GSE1: variants seen among roughly 807,000 people sequenced by gnomAD.
The protein encoded by GSE1 is Gse1 coiled-coil protein.
GSE1 carries 32 observed loss-of-function variants against 112.6 expected under a neutral mutation model. The ratio of observed to expected loss-of-function variants is 0.28; its 90% CI spans 0.21 to 0.38. The LOEUF is 0.38. GSE1 is among the 10% of genes least tolerant of loss of function. GSE1 has a pLI of 1.00. For synonymous variants in GSE1, 1,115 were observed against 735.6 expected (o/e 1.52, Z -8.35); for missense variants, 2,348 against 1,699.2 (o/e 1.38, Z -6.71).
intron 1 of GSE1, among the ~76,000 whole-genome samples, chr16:85,562,996 C>G (rs2045590401): frequency 6.6e-6 from 1 of 152,182 alleles, no homozygotes; most frequent in South Asian, 2.1e-4. Flanking sequence ...TGATGGGATC[C>G]CCTCTTAGGG....
intron 2 of GSE1, among the ~76,000 whole-genome samples, chr16:85,467,873 C>T (rs957459551): frequency 9.2e-5 from 14 of 152,192 alleles, no homozygotes; most frequent in African/African-American, 3.1e-4. Flanking sequence ...GTGCTTACAG[C>T]ATAGGGAGAA....
At chr16:85,605,590 C>T (rs2047669721) in intron 1 of GSE1, among the ~76,000 whole-genome samples, 1 of 151,964 alleles carries the variant, frequency 6.6e-6, no homozygotes, top group African/African-American at 2.4e-5. Flanking sequence ...GCTAAGGAAA[C>T]GGGTGTGCAG....
chr16:85,632,859 G>A (rs774615451), intron 1 of GSE1, among the ~76,000 whole-genome samples: 16 of 152,226 alleles, frequency 1.1e-4, no homozygotes, highest in Non-Finnish European at 2.4e-4. Context: ...TCTCTGCGGG[G>A]GAGGGATGTT....
At chr16:85,613,307 C>T (rs377753359), upstream of GSE1, 8 of 1,545,946 alleles carry the variant, frequency 5.2e-6, no homozygotes, top group South Asian at 1.2e-5. Flanking sequence ...CCGAGCAGCC[C>T]CGGGTGAGAT....
rs141529588 is a variant in GSE1, at chr16:85,214,157, C to G, written c.2283+42350C>G. Among the ~76,000 whole-genome samples, 247 of 152,340 alleles carry G rather than the reference C, an allele frequency of 1.6e-3. 3 individuals are homozygous for G. Among genetic ancestry groups the G allele is most frequent in the African/African-American group, 5.7e-3 (239 of 41,582 alleles). On this transcript the variant is annotated intron_variant, in intron 1 of 2. Transcript: ENST00000637419. ...TTCCGAGACTGGCGTGCCCGCCGGCCTCTCCCTCTGTGGGCGGCCTCCGCT... is the reference window on the plus strand; with the variant it reads ...TTCCGAGACTGGCGTGCCCGCCGGCGTCTCCCTCTGTGGGCGGCCTCCGCT...
At chr16:85,185,051 T>A (rs1294658205) in intron 1 of GSE1, 1 of 152,282 alleles carries the variant, frequency 6.6e-6, no homozygotes, top group African/African-American at 2.4e-5. Context: ...ATTTGTCTTT[T>A]TGTCCCTTTA....
Position 85,241,320 on chromosome 16 carries a change from T to G in GSE1, c.2283+69513T>G, listed in dbSNP as rs199893228. Among the ~76,000 whole-genome samples the G allele has an allele frequency of 5.9e-5, 9 of 152,222 alleles. No individual in the cohort carries two copies. In the East Asian group the frequency reaches 1.7e-3, roughly 29 times the overall value. ...GTGCTGGGGCACCCAGCATAGGCCC[T>G]GGCACCTGGCAGTTGCCCCCTGAGG... On this transcript the variant is annotated intron_variant, in intron 1 of 2. Transcript: ENST00000637419.
intron 1 of GSE1, among the ~76,000 whole-genome samples, chr16:85,259,516 G>A (rs1014226297): frequency 2.0e-5 from 3 of 152,264 alleles, no homozygotes; most frequent in African/African-American, 7.2e-5. Flanking sequence ...CGGCCGGCTT[G>A]TTTTGCCCCA....
intron 1 of GSE1, among the ~76,000 whole-genome samples, chr16:85,249,910 G>A (rs1440585619): frequency 2.0e-5 from 3 of 152,246 alleles, no homozygotes; most frequent in Non-Finnish European, 2.9e-5. Flanking sequence ...CTGGTGATGC[G>A]GCAGGGCCGA....
intron 1 of GSE1, among the ~76,000 whole-genome samples, chr16:85,255,391 TA>T (rs1906962979): frequency 1.3e-5 from 2 of 150,328 alleles, no homozygotes; most frequent in African/African-American, 4.9e-5. Context: ...ATCTGTAAAG[TA>T]GGGGTGATGT....
intron 1 of GSE1, among the ~76,000 whole-genome samples, chr16:85,226,751 C>T (rs1022573245): frequency 2.1e-5 from 3 of 141,568 alleles, no homozygotes; most frequent in Non-Finnish European, 4.5e-5. Flanking sequence ...GTGGTGCTGC[C>T]TGGACTGGTG....
At chr16:85,312,838 C>CA (rs1187126710) in intron 1 of GSE1, among the ~76,000 whole-genome samples, 1 of 151,886 alleles carries the variant, frequency 6.6e-6, no homozygotes, top group Admixed American at 6.5e-5. Flanking sequence ...ACACTGGCCT[C>CA]AGAGGGGAGT....
At chr16:85,555,136 C>T (rs1244260508), upstream of GSE1, 2 of 985,374 alleles carry the variant, frequency 2.0e-6, no homozygotes, top group East Asian at 2.3e-4. Flanking sequence ...AGCCGCCCGC[C>T]GCTGCGCCCC....
At chr16:85,237,663 C>A (rs904411248) in intron 1 of GSE1, among the ~76,000 whole-genome samples, 1 of 151,906 alleles carries the variant, frequency 6.6e-6, no homozygotes, top group Non-Finnish European at 1.5e-5. Context: ...AAGGTGAAAC[C>A]CCGTCTCTAC....
At chr16:85,221,897 C>G (rs2075400195) in intron 1 of GSE1, among the ~76,000 whole-genome samples, 1 of 152,184 alleles carries the variant, frequency 6.6e-6, no homozygotes, top group Non-Finnish European at 1.5e-5. Flanking sequence ...GAGAGGCCAG[C>G]TCTCTGTTGA....
At chr16:85,654,623 G>A (rs994058254) in intron 4 of GSE1, among the ~76,000 whole-genome samples, 171 bp from the exon 5 acceptor site, 8 of 152,128 alleles carry the variant, frequency 5.3e-5, no homozygotes, top group Non-Finnish European at 1.0e-4. Context: ...ACACTGAGGT[G>A]GCAGTGGCAG....
At chr16:85,525,097 G>A (rs534029549) in intron 2 of GSE1, among the ~76,000 whole-genome samples, 31 of 152,324 alleles carry the variant, frequency 2.0e-4, no homozygotes, top group African/African-American at 6.7e-4. Flanking sequence ...GGCCCGGGGG[G>A]TTTCGCCAGC....
chr16:85,533,960 A>G (rs1471652819), intron 2 of GSE1, among the ~76,000 whole-genome samples: 3 of 152,144 alleles, frequency 2.0e-5, no homozygotes, highest in African/African-American at 7.2e-5. Flanking sequence ...TGTCTGACAT[A>G]TGCGTACGTC....
At chr16:85,190,842 G>A (rs1006365944) in intron 1 of GSE1, among the ~76,000 whole-genome samples, 1 of 152,180 alleles carries the variant, frequency 6.6e-6, no homozygotes, top group East Asian at 1.9e-4. Context: ...GGACTCACCA[G>A]GGTGGGGCTG....
Sources: allele counts gnomAD v4.1 joint callset (sites outside exome capture counted in the v4.1 genomes callset), GRCh38; gene constraint gnomAD v4.1.1; transcripts MANE v1.5; gene names NCBI Gene and HGNC (gene_info 2026-07-23, HGNC 2026-07-21).